Variants in GSDMC observed in about 807,000 individuals in gnomAD.
The protein encoded by GSDMC is gasdermin C.
A neutral mutation model predicts 58.0 loss-of-function variants in GSDMC; 59 were observed. The observed-to-expected ratio is 1.02, with a 90% CI of 0.82 to 1.26. The LOEUF (loss-of-function observed/expected upper bound fraction) is 1.26, where lower values mean the gene tolerates loss of function less well. Ranked by LOEUF, GSDMC falls within the 50% of genes most tolerant of loss-of-function variation. The pLI, the probability that GSDMC is intolerant of heterozygous loss-of-function variation, is 0.00. For synonymous variants in GSDMC, 241 were observed against 220.2 expected (o/e 1.09, Z -0.83); for missense variants, 659 against 598.5 (o/e 1.10, Z -1.06).
the GSDMC span, among the ~76,000 whole-genome samples, chr8:129,723,419 C>CTTTTTTT: frequency 1.5e-5 from 2 of 133,352 alleles, no homozygotes; most frequent in Non-Finnish European, 3.2e-5. Context: ...TTTTCTTCTC[C>CTTTTTTT]TTTTTTTTTT....
chr8:129,759,014 A>G (rs1470980110), intron 6 of GSDMC, among the ~76,000 whole-genome samples: 1 of 152,116 alleles, frequency 6.6e-6, no homozygotes. Flanking sequence ...ATAAAAACAG[A>G]CCCATAACCA....
At chr8:129,716,159 C>G in the GSDMC span, among the ~76,000 whole-genome samples, 1 of 152,068 alleles carries the variant, frequency 6.6e-6, no homozygotes, top group Non-Finnish European at 1.5e-5. Flanking sequence ...CATGCCATAT[C>G]AAGAATCCCA....
chr8:129,721,178 C>T, the GSDMC span, among the ~76,000 whole-genome samples: 18 of 152,160 alleles, frequency 1.2e-4, no homozygotes. Flanking sequence ...ATTTTACTGG[C>T]TACATCATTT....
intron 6 of GSDMC, among the ~76,000 whole-genome samples, chr8:129,753,534 G>A (rs2033303417): frequency 6.6e-6 from 1 of 152,190 alleles, no homozygotes; most frequent in Admixed American, 6.5e-5. Flanking sequence ...GCTCTGAGAT[G>A]TGCTAACTAA....
the GSDMC span, among the ~76,000 whole-genome samples, chr8:129,734,320 G>C: frequency 6.6e-6 from 1 of 152,104 alleles, no homozygotes; most frequent in South Asian, 2.1e-4. Context: ...GGGAAATACA[G>C]AGAACACCAC....
chr8:129,719,892 C>G, the GSDMC span, among the ~76,000 whole-genome samples: 1 of 152,116 alleles, frequency 6.6e-6, no homozygotes, highest in African/African-American at 2.4e-5. Context: ...TTGCAGTGAG[C>G]CAGTATCACT....
chr8:129,751,726 C>A (rs1267390541), intron 9 of GSDMC, 136 bp downstream of exon 9: 1 of 1,140,864 alleles, frequency 8.8e-7, no homozygotes, highest in Non-Finnish European at 1.3e-6. Context: ...GCTTTCTGGA[C>A]CCTTCCCATT....
the GSDMC span, chr8:129,728,903 G>T: frequency 1.5e-6 from 1 of 661,620 alleles, no homozygotes; most frequent in East Asian, 3.0e-5. Flanking sequence ...ACCAGGCAGG[G>T]TCTGAAGCCC....
intron 4 of GSDMC, among the ~76,000 whole-genome samples, chr8:129,763,997 C>T (rs1027850427): frequency 6.6e-6 from 1 of 152,198 alleles, no homozygotes; most frequent in Admixed American, 6.5e-5. Flanking sequence ...TTCTACTACT[C>T]TATTTTTAAT....
chr8:129,748,794 A>G (rs554878884), intron 13 of GSDMC, 54 bp from the exon 14 acceptor site: 1 of 1,433,566 alleles, frequency 7.0e-7, no homozygotes, highest in South Asian at 1.6e-5. Context: ...GAGGAAGAGA[A>G]GGCTTCTGCC....
At chr8:129,716,917 A>G in the GSDMC span, among the ~76,000 whole-genome samples, 2 of 152,192 alleles carry the variant, frequency 1.3e-5, no homozygotes, top group South Asian at 4.1e-4. Context: ...GATGGATTAC[A>G]TTTATTGATT....
rs1431455258 is a variant in GSDMC at position 129,752,139 on chromosome 8, GA to G, written c.852del (p.Leu285Ter). 1.2e-6 allele frequency: 2 copies of G among 1,612,674 alleles called. No homozygotes were observed. The highest frequency in any genetic ancestry group is 1.7e-5 in the Admixed American group (1 of 59,982). On this transcript the variant is annotated frameshift_variant, in exon 8 of 14. Coordinates refer to ENST00000276708, the MANE Select transcript of GSDMC (RefSeq NM_031415.3). LOFTEE classifies it high-confidence loss of function. ...TGCCCGCTCAAAAATTGCTGTGTCA[GA>G]AATAGCTCTGGAAAGAGAAAGAAAA... is the stretch of plus-strand genomic sequence containing the variant. ...SNDMKLKPEL[F>X]LTQQFLSGHL...
the GSDMC span, among the ~76,000 whole-genome samples, chr8:129,740,892 G>A: frequency 5.9e-5 from 9 of 152,032 alleles, no homozygotes; most frequent in African/African-American, 9.7e-5. Flanking sequence ...CCGTGCTTTC[G>A]GAGTTCTACC....
In GSDMC at chr8:129,748,637, G is replaced by A. The variant is rs776155660; in HGVS notation, c.1391C>T (p.Thr464Ile). 3 of 1,612,520 alleles carry A rather than the reference G, an allele frequency of 1.9e-6. No individual in the cohort carries two copies. The highest frequency in any genetic ancestry group is 2.2e-5 in the East Asian group (1 of 44,716). Residue 464 changes from threonine to isoleucine, a missense_variant, in exon 14 of 14, where the codon ACC becomes ATC. Coordinates refer to ENST00000276708, the MANE Select transcript of GSDMC (RefSeq NM_031415.3). ...GCCACACTCCTCCAGCAGGCCATAG[G>A]TGATGGCCAAACCCTCACTCTGGAG... ...APLQSEGLAI[T>I]YGLLEECGLR... is the part of the protein sequence containing the mutation.
At chr8:129,721,674 C>A in the GSDMC span, among the ~76,000 whole-genome samples, 1 of 152,100 alleles carries the variant, frequency 6.6e-6, no homozygotes, top group African/African-American at 2.4e-5. Flanking sequence ...TCATTACTAC[C>A]AAATATCACT....
At chr8:129,735,379 A>G in the GSDMC span, among the ~76,000 whole-genome samples, 2 of 152,234 alleles carry the variant, frequency 1.3e-5, no homozygotes, top group Admixed American at 1.3e-4. Context: ...CATCGCACTT[A>G]TTCCAAAATT....
the GSDMC span, among the ~76,000 whole-genome samples, chr8:129,742,242 T>C: frequency 1.3e-5 from 2 of 151,984 alleles, no homozygotes; most frequent in African/African-American, 2.4e-5. Flanking sequence ...AGGGTGACCA[T>C]AGTTAATCGC....
Position 129,786,417 on chromosome 8 carries a change from C to T in GSDMC, c.-411G>A, listed in dbSNP as rs1476095760. ...TCAAGTAGAAATTGTCAGACAAACT[C>T]CAGGACCAGATCAATGTGATTCTGT... On this transcript the variant is annotated 5_prime_UTR_variant, in exon 1 of 14. Coordinates refer to ENST00000276708, the MANE Select transcript of GSDMC (RefSeq NM_031415.3). The T allele has an allele frequency of 1.3e-5, 2 of 152,126 alleles. No homozygotes were observed. Among genetic ancestry groups the T allele is most frequent in the South Asian group, 2.1e-4 (1 of 4,830 alleles). 9.4% of individuals were successfully genotyped at this position (152,126 alleles called of 1,614,324 possible).
the GSDMC span, among the ~76,000 whole-genome samples, chr8:129,724,974 T>C: frequency 6.6e-6 from 1 of 152,172 alleles, no homozygotes; most frequent in Non-Finnish European, 1.5e-5. Flanking sequence ...CTTGAAGTGC[T>C]CCTGAAGCAA....
Sources: gnomAD v4.1 joint callset for allele counts (sites outside exome capture counted in the v4.1 genomes callset) on GRCh38, gnomAD v4.1.1 for gene constraint, MANE v1.5 for transcripts, NCBI Gene and HGNC (gene_info 2026-07-23, HGNC 2026-07-21) for gene names.